Variants in ADGRD1 observed in about 807,000 individuals in gnomAD.
ADGRD1 encodes adhesion G protein-coupled receptor D1, also known as G-protein coupled receptor 133.
A neutral mutation model predicts 113.4 loss-of-function variants in ADGRD1; 77 were observed. The observed-to-expected ratio is 0.68, with a 90% confidence interval of 0.57 to 0.82. ADGRD1 has a LOEUF of 0.82. Ranked by LOEUF, ADGRD1 falls within the 40% of genes least tolerant of loss-of-function variation. ADGRD1 has a pLI of 0.00. For synonymous variants in ADGRD1, 474 were observed against 475.0 expected, an observed-to-expected ratio of 1.00 and a Z score of 0.03; for missense variants, 1,036 against 1,139.1, an observed-to-expected ratio of 0.91 and a Z score of 1.30.
At chr12:131,137,483 C>T (rs564966959) in intron 23 of ADGRD1, among the ~76,000 whole-genome samples, 1 of 152,322 alleles carries the variant, frequency 6.6e-6, no homozygotes, top group South Asian at 2.1e-4. Context: ...TAGGGGCTGC[C>T]CCAAGGACTT....
chr12:131,014,034 C>G (rs1255007066), intron 12 of ADGRD1, among the ~76,000 whole-genome samples, 165 bp from the exon 13 acceptor site: 1 of 152,232 alleles, frequency 6.6e-6, no homozygotes, highest in Non-Finnish European at 1.5e-5. Flanking sequence ...AGCTTCACAT[C>G]TTGAAGGAGA....
intron 7 of ADGRD1, among the ~76,000 whole-genome samples, chr12:130,991,732 G>A (rs1874411789): frequency 6.6e-6 from 1 of 152,176 alleles, no homozygotes; most frequent in South Asian, 2.1e-4. Flanking sequence ...TGGGTGTGGT[G>A]GTTGCACCTG....
chr12:131,034,146 C>T (rs1353046898), intron 13 of ADGRD1, among the ~76,000 whole-genome samples: 1 of 138,464 alleles, frequency 7.2e-6, no homozygotes, highest in Non-Finnish European at 1.6e-5. Flanking sequence ...CTCGGGGCTT[C>T]CTCTGCATTT....
intron 6 of ADGRD1, chr12:130,987,677 G>T (rs886671399): frequency 3.7e-5 from 13 of 354,186 alleles, no homozygotes; most frequent in African/African-American, 2.5e-4. Context: ...AATGTTAGCC[G>T]TGTGCCTCCC....
intron 15 of ADGRD1, among the ~76,000 whole-genome samples, chr12:131,098,170 G>GGTGGCCGCTGTCTGGGCCT (rs1566107473): frequency 0.33 from 39,615 of 120,946 alleles, 9,412 homozygotes; most frequent in South Asian, 0.55. Context: ...TCCTTCTCCC[G>GGTGGCCGCTGTCTGGGCCT]CAGTGGCTGC....
chr12:130,972,020 T>C (rs1293517007), intron 4 of ADGRD1, among the ~76,000 whole-genome samples: 1 of 152,176 alleles, frequency 6.6e-6, no homozygotes, highest in Non-Finnish European at 1.5e-5. Flanking sequence ...TTGGTTCTTT[T>C]ACATTCATCG....
intron 15 of ADGRD1, among the ~76,000 whole-genome samples, chr12:131,098,577 A>G (rs1949998273): frequency 6.6e-6 from 1 of 152,154 alleles, no homozygotes; most frequent in South Asian, 2.1e-4. Context: ...ACAGATGGCC[A>G]GTGGTGAGAA....
rs1883974607 is a variant in ADGRD1 at position 131,057,488 on chromosome 12, C to T, written c.1474-19313C>T. Among the ~76,000 whole-genome samples, 1 of 152,126 alleles carries T rather than the reference C, an allele frequency of 6.6e-6. No individual in the cohort carries two copies. The highest frequency in any genetic ancestry group is 2.1e-4 in the South Asian group (1 of 4,816). On this transcript the variant is annotated intron_variant, in intron 13 of 24. Transcript: ENST00000261654. This position sits in a 1 kb window ranked among gnomAD's most constrained non-coding sequence, Gnocchi z 4.2. ...TGAGTCCACGAGTCTGAGACAAAGGCGTTGGCAGAGCTAGTTCGTTCTGGA... is the reference window on the plus strand; with the variant it reads ...TGAGTCCACGAGTCTGAGACAAAGGTGTTGGCAGAGCTAGTTCGTTCTGGA...
In ADGRD1 at chr12:131,003,987, G is replaced by T. The variant is rs1246467389; in HGVS notation, c.1145-199G>T. Among the ~76,000 whole-genome samples, 1 of 151,742 alleles carries T rather than the reference G, an allele frequency of 6.6e-6. No individual in the cohort carries two copies. Among genetic ancestry groups the T allele is most frequent in the Non-Finnish European group, 1.5e-5 (1 of 67,984 alleles). ...GTGGGCCGGAATGCTGAGCCTCCCC[G>T]TGGCAGTCACTGCCTGGGCTCTTCA... On this transcript the variant is annotated intron_variant, in intron 10 of 24. Transcript: ENST00000261654. This position sits in a 1 kb window ranked among gnomAD's most constrained non-coding sequence, Gnocchi z 4.8.
chr12:131,000,651 G>A (rs1342780076), intron 9 of ADGRD1, among the ~76,000 whole-genome samples: 2 of 149,682 alleles, frequency 1.3e-5, no homozygotes, highest in African/African-American at 4.9e-5. Flanking sequence ...TGAGGCAGGA[G>A]AATTGCTGGA....
intron 13 of ADGRD1, among the ~76,000 whole-genome samples, chr12:131,056,760 G>A (rs1227215143): frequency 2.0e-5 from 3 of 152,212 alleles, no homozygotes; most frequent in Admixed American, 1.3e-4. Flanking sequence ...ACCCCGTGGG[G>A]ATAATCACTT....
chr12:130,990,116 T>G (rs546991781), intron 6 of ADGRD1: 4 of 152,350 alleles, frequency 2.6e-5, no homozygotes, highest in Non-Finnish European at 5.9e-5. Flanking sequence ...GAGTTTGACA[T>G]GACTCCTCTG....
At chr12:131,065,461 C>T (rs1356043744) in intron 13 of ADGRD1, among the ~76,000 whole-genome samples, 1 of 152,244 alleles carries the variant, frequency 6.6e-6, no homozygotes, top group South Asian at 2.1e-4. Context: ...ACCCCACTCC[C>T]TCTGGAGACA....
Position 131,076,804 on chromosome 12 carries a change from C to T in ADGRD1, c.1477C>T (p.Arg493Cys), listed in dbSNP as rs775648550. Residue 493 changes from arginine to cysteine, a missense_variant, in exon 14 of 25, where the codon CGT becomes TGT. Transcript: ENST00000261654. ...ITVHLKHRLT[R>C]KQHSEATNSS... ...TGTTTGCTTTCTTTCATTTCAGACA[C>T]GTAAGCAGCACAGTGAGGCCACCAA... 24 of 1,613,734 alleles carry T rather than the reference C, an allele frequency of 1.5e-5. No individual in the cohort carries two copies. Among genetic ancestry groups the T allele is most frequent in the East Asian group, 2.2e-5 (1 of 44,888 alleles).
chr12:131,019,413 G>A (rs528724919), intron 13 of ADGRD1, among the ~76,000 whole-genome samples: 4 of 152,294 alleles, frequency 2.6e-5, no homozygotes, highest in Admixed American at 6.5e-5. Context: ...CACGACGATC[G>A]GTCAGAATCT....
At chr12:130,996,195 C>A (rs1372045359) in intron 8 of ADGRD1, among the ~76,000 whole-genome samples, 1,805 of 140,180 alleles carry the variant, frequency 0.013, 20 homozygotes, top group Middle Eastern at 0.028. Context: ...ACAGACACGG[C>A]AACCATCTGA....
intron 6 of ADGRD1, chr12:130,989,444 A>G (rs1874097221): frequency 6.6e-6 from 1 of 152,248 alleles, no homozygotes; most frequent in Non-Finnish European, 1.5e-5. Context: ...TAAAGCATGT[A>G]TAGGAGAATG....
chr12:131,063,508 T>C (rs553633280), intron 13 of ADGRD1, among the ~76,000 whole-genome samples: 2 of 152,320 alleles, frequency 1.3e-5, no homozygotes, highest in Admixed American at 1.3e-4. Context: ...CACTATTTGT[T>C]GAGGGGGAAA....
chr12:131,043,934 C>T (rs1429053707), intron 13 of ADGRD1, among the ~76,000 whole-genome samples: 2 of 152,046 alleles, frequency 1.3e-5, no homozygotes, highest in African/African-American at 4.8e-5. Context: ...CTTTTGGGGA[C>T]CTTATTCTGA....
Sources: gnomAD v4.1 joint callset for allele counts (sites outside exome capture counted in the v4.1 genomes callset) on GRCh38, gnomAD v4.1.1 for gene constraint, Gnocchi (gnomAD v3.1) non-coding constraint, MANE v1.5 for transcripts, NCBI Gene and HGNC (gene_info 2026-07-23, HGNC 2026-07-21) for gene names.